The following UGT2B4 variants were observed in gnomAD, a reference collection of about 807,000 sequenced individuals.
UGT2B4 encodes the protein UDP-glucuronosyltransferase 2B4.
UGT2B4 carries 49 observed loss-of-function variants against 49.8 expected under a neutral mutation model. The observed-to-expected ratio is 0.98, with a 90% CI of 0.78 to 1.25. The LOEUF is 1.25. UGT2B4 is among the 50% of genes most tolerant of loss of function. The probability of loss-of-function intolerance (pLI) is 0.00; values close to 1 mark genes in which losing one functional copy is unlikely to be tolerated. For synonymous variants in UGT2B4, 246 were observed against 217.7 expected (o/e 1.13, Z -1.14); for missense variants, 729 against 627.7 (o/e 1.16, Z -1.73).
chr4:69,502,087 CTCTCTCTT>C (rs71205986), intron 1 of UGT2B4, among the ~76,000 whole-genome samples: 4,367 of 38,300 alleles, frequency 0.11, 396 homozygotes, highest in Middle Eastern at 0.24. Context: ...TTCTTTCTTT[CTCTCTCTT>C]TCTTTCTTTC....
At chr4:69,519,699 A>T (rs1172177103) in intron 1 of UGT2B4, among the ~76,000 whole-genome samples, 4 of 152,250 alleles carry the variant, frequency 2.6e-5, no homozygotes, top group Non-Finnish European at 5.9e-5. Context: ...CTTCACCCTA[A>T]AACAGTTCTG....
rs928160196 is a variant in UGT2B4, at chr4:69,480,234, A to G, written c.*400T>C. On this transcript the variant is annotated 3_prime_UTR_variant, in exon 6 of 6. Coordinates refer to ENST00000305107, the MANE Select transcript of UGT2B4 (RefSeq NM_021139.3). Reference sequence around the variant, plus strand: ...ACACAATCCTGCATGAAATGGATCCAAAGTATGCTGAGTATTTGCAAAACA... The same window carrying G: ...ACACAATCCTGCATGAAATGGATCCGAAGTATGCTGAGTATTTGCAAAACA... 6 of 167,390 alleles carry G rather than the reference A, an allele frequency of 3.6e-5. No individual in the cohort carries two copies. The highest frequency in any genetic ancestry group is 1.1e-4 in the Admixed American group (2 of 17,602). 10.4% of individuals were successfully genotyped at this position (167,390 alleles called of 1,614,324 possible).
At chr4:69,515,078 A>T (rs1295628323) in intron 1 of UGT2B4, among the ~76,000 whole-genome samples, 1 of 152,204 alleles carries the variant, frequency 6.6e-6, no homozygotes, top group Non-Finnish European at 1.5e-5. Flanking sequence ...ATAGTAGGAC[A>T]CTGTAACACC....
In UGT2B4 at chr4:69,480,541, A is replaced by G. The variant is rs2109799191; in HGVS notation, c.*93T>C. 6.6e-7 allele frequency: 1 copy of G among 1,507,216 alleles called. No homozygotes were observed. 93.4% of individuals were successfully genotyped at this position (1,507,216 alleles called of 1,614,324 possible). On this transcript the variant is annotated 3_prime_UTR_variant, in exon 6 of 6. Transcript: ENST00000305107. ...TTTTGAAAGATGTTTTGTCACAAGA[A>G]GAAAGGAATCTCTTGTATCACAACG...
intron 3 of UGT2B4, among the ~76,000 whole-genome samples, chr4:69,487,091 C>T (rs779186813): frequency 2.0e-5 from 3 of 152,058 alleles, no homozygotes; most frequent in Non-Finnish European, 4.4e-5. Flanking sequence ...ATAACAGATG[C>T]TTGTGATGTT....
At chr4:69,492,327 A>C (rs1239631772) in intron 2 of UGT2B4, among the ~76,000 whole-genome samples, 3 of 152,204 alleles carry the variant, frequency 2.0e-5, no homozygotes, top group East Asian at 3.9e-4. Flanking sequence ...GAATGATTTA[A>C]ATGCTTTAGT....
At chr4:69,481,634 T>C (rs1977017) in intron 5 of UGT2B4, among the ~76,000 whole-genome samples, 28,603 of 152,170 alleles carry the variant, frequency 0.19, 3,054 homozygotes, top group Non-Finnish European at 0.25. Context: ...AGGCTACCCA[T>C]TGCTTAAGCA....
At chr4:69,490,211 GAATTTCTATA>G (rs1727939957) in intron 2 of UGT2B4, among the ~76,000 whole-genome samples, 1 of 152,030 alleles carries the variant, frequency 6.6e-6, no homozygotes, top group Non-Finnish European at 1.5e-5. Context: ...TTGTGGTTTG[GAATTTCTATA>G]AATTTCTATA....
chr4:69,498,311 G>T (rs912297536), upstream of UGT2B4, among the ~76,000 whole-genome samples: 4 of 152,098 alleles, frequency 2.6e-5, no homozygotes, highest in African/African-American at 4.8e-5. Context: ...TATTATAAGT[G>T]GGGGAGTGGG....
chr4:69,521,650 GC>G (rs1728852538), intron 1 of UGT2B4, among the ~76,000 whole-genome samples: 1 of 152,194 alleles, frequency 6.6e-6, no homozygotes, highest in African/African-American at 2.4e-5. Flanking sequence ...GGTAGCAAGA[GC>G]CAAGCGCAGC....
In UGT2B4 at chr4:69,501,963, C is replaced by T. The variant is rs551361822; in HGVS notation, c.-105-5997G>A. On this transcript the variant is annotated intron_variant, in intron 1 of 1. Transcript: ENST00000510114. Reference sequence around the variant, plus strand: ...AGAGATCTGTGGGAGAAGCATGTTACCTGGGGCTTCACATTGACTCATCAC... The same window carrying T: ...AGAGATCTGTGGGAGAAGCATGTTATCTGGGGCTTCACATTGACTCATCAC... 7.2e-5 allele frequency among the ~76,000 whole-genome samples: 11 copies of T among 152,186 alleles called. No homozygotes were observed. In the South Asian group the frequency reaches 2.1e-3, roughly 29 times the overall value.
At chr4:69,525,278 A>T (rs894678907) in intron 1 of UGT2B4, among the ~76,000 whole-genome samples, 1 of 152,168 alleles carries the variant, frequency 6.6e-6, no homozygotes, top group Non-Finnish European at 1.5e-5. Context: ...GTATGAGACC[A>T]TAAGGGCTGG....
intron 1 of UGT2B4, among the ~76,000 whole-genome samples, chr4:69,519,304 A>G (rs953096289): frequency 1.1e-4 from 17 of 152,246 alleles, no homozygotes. Context: ...AATGTACATT[A>G]GTAACCTAAG....
chr4:69,514,578 A>T (rs929331905), intron 1 of UGT2B4, among the ~76,000 whole-genome samples: 3 of 152,208 alleles, frequency 2.0e-5, no homozygotes, highest in African/African-American at 7.2e-5. Context: ...CCCATTCAGT[A>T]TGATGTTGGC....
At position 69,495,682 on chromosome 4, in the gene UGT2B4, A is replaced by G. The variant is rs754811593; in HGVS notation, c.180T>C (p.Ala60=). ...GHEVTVLASS[A]SISFDPNSPS... Reference sequence around the variant, plus strand: ...GGCTGTTGGGATCGAAAGAAATGGAAGCTGAAGATGCCAATACAGTCACCT... The same window carrying G: ...GGCTGTTGGGATCGAAAGAAATGGAGGCTGAAGATGCCAATACAGTCACCT... Residue 60 remains alanine, a synonymous_variant, in exon 1 of 6, where the codon GCT becomes GCC. Coordinates refer to ENST00000305107, the MANE Select transcript of UGT2B4 (RefSeq NM_021139.3). 13 of 1,613,980 alleles carry G rather than the reference A, an allele frequency of 8.1e-6. No homozygotes were observed. In the Admixed American group the frequency reaches 2.2e-4, roughly 27 times the overall value.
Position 69,495,144 on chromosome 4 carries a change from G to A in UGT2B4, c.718C>T (p.Leu240=), listed in dbSNP as rs781557573. The change falls in exon 1 of 6, where the codon CTA becomes TTA. Residue 240 remains leucine (L), a synonymous_variant. Transcript: ENST00000305107. ...ACCAATCAAAAAAGTTACTTACCTA[G>A]AACTTCACTGTAGAACTGATCCCAC... ...KKWDQFYSEV[L]GRPTTLSETM... The A allele has an allele frequency of 2.0e-6, 3 of 1,531,624 alleles. No homozygotes were observed. The highest frequency in any genetic ancestry group is 1.3e-5 in the South Asian group (1 of 74,708). The allele number at this position is 1,531,624 out of a possible 1,614,324, so 94.9% of individuals were successfully genotyped here.
At chr4:69,494,246 T>A (rs1728079039) in intron 1 of UGT2B4, among the ~76,000 whole-genome samples, 1 of 152,166 alleles carries the variant, frequency 6.6e-6, no homozygotes, top group South Asian at 2.1e-4. Flanking sequence ...TAACAAATAG[T>A]CTAATTTCCC....
At chr4:69,505,297 A>G (rs939613625) in intron 1 of UGT2B4, among the ~76,000 whole-genome samples, 7 of 152,154 alleles carry the variant, frequency 4.6e-5, no homozygotes, top group African/African-American at 1.7e-4. Flanking sequence ...TAAAGAACCA[A>G]GACCCATTGG....
intron 1 of UGT2B4, among the ~76,000 whole-genome samples, chr4:69,518,715 C>T (rs544679055): frequency 6.6e-6 from 1 of 152,110 alleles, no homozygotes; most frequent in Admixed American, 6.5e-5. Context: ...ACACATAAAC[C>T]AATTGACATC....
Sources: gnomAD v4.1 joint callset for allele counts (sites outside exome capture counted in the v4.1 genomes callset) on GRCh38, gnomAD v4.1.1 for gene constraint, MANE v1.5 for transcripts, NCBI Gene and HGNC (gene_info 2026-07-23, HGNC 2026-07-21) for gene names.